The following MCUB variants were observed in gnomAD, a reference collection of about 807,000 sequenced individuals.
MCUB encodes mitochondrial calcium uniporter dominant negative subunit beta.
MCUB carries 46 observed loss-of-function variants against 41.4 expected under a neutral mutation model. That is an observed-to-expected ratio of 1.11 (90% CI 0.88 to 1.42). MCUB has a LOEUF of 1.42. Ranked by LOEUF, MCUB falls within the 40% of genes most tolerant of loss-of-function variation. The pLI is 0.00. For synonymous variants in MCUB, 148 were observed against 148.2 expected, an observed-to-expected ratio of 1.00 and a Z score of 0.01; for missense variants, 403 against 404.9, an observed-to-expected ratio of 1.00 and a Z score of 0.04.
rs1363547305 is a variant in MCUB at position 109,575,807 on chromosome 4, A to T, written c.99+15371A>T. Among the ~76,000 whole-genome samples the T allele has an allele frequency of 2.0e-5, 3 of 152,354 alleles. No homozygotes were observed. The East Asian group carries it at 5.8e-4, about 29-fold the overall frequency. ...CATAAGTATAGCAGTGACCATTAAA[A>T]TTATTAATATTATAATAGCATAGTA... On this transcript the variant is annotated intron_variant, in intron 1 of 7. Coordinates refer to ENST00000394650, the MANE Select transcript of MCUB (RefSeq NM_017918.5).
At chr4:109,616,275 AT>A (rs1234732557) in intron 1 of MCUB, among the ~76,000 whole-genome samples, 1 of 97,864 alleles carries the variant, frequency 1.0e-5, no homozygotes, top group Non-Finnish European at 2.0e-5. Context: ...AGAATTCTGC[AT>A]TTTATTTTAA....
At chr4:109,590,484 T>TA (rs978283144) in intron 1 of MCUB, among the ~76,000 whole-genome samples, 5 of 152,186 alleles carry the variant, frequency 3.3e-5, no homozygotes, top group Non-Finnish European at 5.9e-5. Flanking sequence ...TAAAAGGAGT[T>TA]AAAAAAATTG....
intron 1 of MCUB, among the ~76,000 whole-genome samples, chr4:109,641,186 G>C (rs1022255351): frequency 2.0e-5 from 3 of 152,068 alleles, no homozygotes; most frequent in African/African-American, 7.2e-5. Flanking sequence ...TTCGCCTCCC[G>C]GGTTCACGCC....
At chr4:109,664,976 T>G (rs1729312789) in intron 4 of MCUB, among the ~76,000 whole-genome samples, 1 of 152,158 alleles carries the variant, frequency 6.6e-6, no homozygotes, top group Non-Finnish European at 1.5e-5. Flanking sequence ...TAAAGCAGTT[T>G]TAGGTTCAAA....
chr4:109,663,934 C>G (rs1579090192), intron 3 of MCUB, among the ~76,000 whole-genome samples: 1 of 152,378 alleles, frequency 6.6e-6, no homozygotes, highest in East Asian at 1.9e-4. Context: ...ACCCCCAAAA[C>G]TGTCACCTGC....
chr4:109,662,399 G>A (rs1729249255), intron 3 of MCUB, among the ~76,000 whole-genome samples: 1 of 152,194 alleles, frequency 6.6e-6, no homozygotes. Flanking sequence ...TTGCCTGGTG[G>A]TGTGTACTCA....
At chr4:109,624,322 C>T (rs190342472) in intron 1 of MCUB, among the ~76,000 whole-genome samples, 276 of 152,302 alleles carry the variant, frequency 1.8e-3, no homozygotes, top group African/African-American at 5.9e-3. Context: ...GCATTTGCTC[C>T]GGCTGTTGAA....
intron 1 of MCUB, among the ~76,000 whole-genome samples, chr4:109,631,550 T>C (rs750170120): frequency 6.6e-6 from 1 of 152,228 alleles, no homozygotes; most frequent in African/African-American, 2.4e-5. Context: ...CTTTAAAAAG[T>C]GCAGTGCAAA....
chr4:109,682,022 T>C (rs1729728576), intron 4 of MCUB, among the ~76,000 whole-genome samples: 1 of 152,240 alleles, frequency 6.6e-6, no homozygotes, highest in African/African-American at 2.4e-5. Flanking sequence ...CAATAGATGA[T>C]CGGCTATTTC....
chr4:109,660,453 ATTGT>A (rs1438359918), intron 3 of MCUB, 88 bp downstream of exon 3: 1 of 635,036 alleles, frequency 1.6e-6, no homozygotes, highest in Non-Finnish European at 2.7e-6. Flanking sequence ...CTAGAAGTAC[ATTGT>A]TTAATTCATT....
At chr4:109,671,207 T>C (rs1419261312) in intron 4 of MCUB, among the ~76,000 whole-genome samples, 1 of 152,210 alleles carries the variant, frequency 6.6e-6, no homozygotes. Flanking sequence ...ACTGGAAGTC[T>C]TAACTTTTTC....
chr4:109,656,452 C>T (rs1224673890), intron 1 of MCUB, among the ~76,000 whole-genome samples: 4 of 144,274 alleles, frequency 2.8e-5, no homozygotes, highest in Admixed American at 2.2e-4. Context: ...TCTCGGTTCA[C>T]TGCAGCCGCC....
At chr4:109,615,334 A>G (rs1428814218) in intron 1 of MCUB, among the ~76,000 whole-genome samples, 1 of 151,990 alleles carries the variant, frequency 6.6e-6, no homozygotes, top group Non-Finnish European at 1.5e-5. Flanking sequence ...AATATGGCCA[A>G]CCCAAAAGAA....
chr4:109,568,051 CTG>C (rs1306091575), intron 1 of MCUB, among the ~76,000 whole-genome samples: 3 of 151,672 alleles, frequency 2.0e-5, no homozygotes, highest in Non-Finnish European at 4.4e-5. Context: ...TAGAGACTGA[CTG>C]TAATGTGACC....
intron 1 of MCUB, among the ~76,000 whole-genome samples, chr4:109,564,433 C>T (rs886577117): frequency 3.3e-5 from 5 of 152,172 alleles, no homozygotes; most frequent in African/African-American, 9.7e-5. Context: ...ACACTGCGCC[C>T]GGCTGGCTAT....
intron 1 of MCUB, among the ~76,000 whole-genome samples, chr4:109,597,732 G>T (rs565622204): frequency 7.0e-6 from 1 of 143,340 alleles, no homozygotes; most frequent in South Asian, 2.1e-4. Context: ...CGGGCGGGGG[G>T]CTGACCCCCC....
chr4:109,597,580 C>T (rs201772489), intron 1 of MCUB, among the ~76,000 whole-genome samples: 5,933 of 91,348 alleles, frequency 0.065, 35 homozygotes, highest in Admixed American at 0.14. Flanking sequence ...CCAGTAGGGG[C>T]GGCCGGGCAG....
At chr4:109,665,722 C>A (rs923261418) in intron 4 of MCUB, among the ~76,000 whole-genome samples, 3 of 151,926 alleles carry the variant, frequency 2.0e-5, no homozygotes, top group Non-Finnish European at 4.4e-5. Context: ...TATTTTCAAT[C>A]CATGGTTGGT....
In MCUB at chr4:109,600,625, C is replaced by T. The variant is rs1029469739; in HGVS notation, c.99+40189C>T. ...CATTGCTTTAGGTAATTGGATATTC[C>T]TGGGTTTCTGTCAGCTGGTGGTAGG... On this transcript the variant is annotated intron_variant, in intron 1 of 7. Transcript: ENST00000394650. Among the ~76,000 whole-genome samples, 5 of 152,084 alleles carry T rather than the reference C, an allele frequency of 3.3e-5. No homozygotes were observed. In the East Asian group the frequency reaches 7.7e-4, roughly 23 times the overall value.
Sources: allele counts gnomAD v4.1 joint callset (sites outside exome capture counted in the v4.1 genomes callset), GRCh38; gene constraint gnomAD v4.1.1; transcripts MANE v1.5; gene names NCBI Gene and HGNC (gene_info 2026-07-23, HGNC 2026-07-21).